Variants in GLIS3 observed in about 807,000 individuals in gnomAD.
GLIS3 encodes zinc finger protein GLIS3.
A neutral mutation model predicts 78.6 loss-of-function variants in GLIS3; 53 were observed. The ratio of observed to expected loss-of-function variants is 0.67; its 90% CI spans 0.54 to 0.85. The LOEUF is 0.85. Ranked by LOEUF, GLIS3 falls within the 40% of genes least tolerant of loss-of-function variation. The pLI, the probability that GLIS3 is intolerant of heterozygous loss-of-function variation, is 0.00. For missense variants in GLIS3, 1,703 were observed against 1,231.1 expected, an observed-to-expected ratio of 1.38 and a Z score of -5.74; for synonymous variants, 684 against 509.9, an observed-to-expected ratio of 1.34 and a Z score of -4.60.
the GLIS3 span, among the ~76,000 whole-genome samples, chr9:4,360,196 A>C: frequency 6.6e-6 from 1 of 152,260 alleles, no homozygotes; most frequent in African/African-American, 2.4e-5. Flanking sequence ...TCATCACCCA[A>C]CCGCCTGACC....
chr9:4,253,143 G>A (rs992919791), intron 2 of GLIS3, among the ~76,000 whole-genome samples: 2 of 152,248 alleles, frequency 1.3e-5, no homozygotes, highest in African/African-American at 2.4e-5. Flanking sequence ...CAAGCGCTGT[G>A]CTGGGAGATC....
chr9:4,119,643 T>G (rs74535763), intron 3 of GLIS3, among the ~76,000 whole-genome samples: 1 of 152,214 alleles, frequency 6.6e-6, no homozygotes, highest in Non-Finnish European at 1.5e-5. Flanking sequence ...GGGTTTTCTG[T>G]GAACTCTCGT....
chr9:4,466,978 G>C, the GLIS3 span, among the ~76,000 whole-genome samples: 1 of 152,366 alleles, frequency 6.6e-6, no homozygotes, highest in African/African-American at 2.4e-5. Flanking sequence ...CACACCAGAA[G>C]ATTATATCCC....
chr9:3,888,697 C>T (rs1369601732), intron 7 of GLIS3, among the ~76,000 whole-genome samples: 51 of 152,218 alleles, frequency 3.4e-4, no homozygotes, highest in Non-Finnish European at 4.4e-5. Flanking sequence ...TTTATTCACA[C>T]TCTGACCACA....
chr9:4,086,804 G>C (rs1829066768), intron 4 of GLIS3, among the ~76,000 whole-genome samples: 3 of 152,218 alleles, frequency 2.0e-5, no homozygotes, highest in South Asian at 4.1e-4. Flanking sequence ...CCATGAACTT[G>C]AATAACCCCT....
At chr9:4,416,296 T>C in the GLIS3 span, among the ~76,000 whole-genome samples, 1 of 148,504 alleles carries the variant, frequency 6.7e-6, no homozygotes, top group Admixed American at 6.7e-5. Flanking sequence ...AAATTGATCT[T>C]AATATTCAAT....
In GLIS3 at chr9:4,118,136, G is replaced by T; in HGVS notation, c.1342C>A (p.Pro448Thr). ...GGGGGCGGCGGCAGAGGAGGGAGCG[G>T]AGGCGCGGGGGGTAGGTCTACGGTG... ...GSTVDLPPAPPLPPLPPPPGP... is the reference protein window; with the variant it reads ...GSTVDLPPAPTLPPLPPPPGP... The change falls in exon 4 of 11, where the codon CCG becomes ACG. Residue 448 changes from proline (P) to threonine (T), a missense_variant. Pro to Thr is a conservative substitution (Grantham distance 38). Transcript: ENST00000381971. The surrounding 1 kb of genome is among the most constrained non-coding windows in gnomAD (Gnocchi z 4.7). 6.4e-7 allele frequency: 1 copy of T among 1,550,824 alleles called. No homozygotes were observed. The highest frequency in any genetic ancestry group is 8.7e-7 in the Non-Finnish European group (1 of 1,147,706).
At chr9:3,849,531 G>A (rs892545973) in intron 9 of GLIS3, among the ~76,000 whole-genome samples, 1 of 152,176 alleles carries the variant, frequency 6.6e-6, no homozygotes, top group Admixed American at 6.5e-5. Flanking sequence ...CAATGACAAA[G>A]CACAAAGTTG....
the GLIS3 span, among the ~76,000 whole-genome samples, chr9:4,385,773 GAA>G: frequency 2.9e-5 from 2 of 69,386 alleles, 1 homozygote; most frequent in African/African-American, 1.5e-4. Flanking sequence ...AAGAAAGAAA[GAA>G]AGAAAGAAAG....
chr9:4,447,507 T>A, the GLIS3 span, among the ~76,000 whole-genome samples: 1 of 152,170 alleles, frequency 6.6e-6, no homozygotes, highest in African/African-American at 2.4e-5. Context: ...TCTTATTTCA[T>A]TTATCCCATA....
At chr9:3,840,709 G>C (rs774594590) in intron 9 of GLIS3, among the ~76,000 whole-genome samples, 2 of 152,218 alleles carry the variant, frequency 1.3e-5, no homozygotes, top group Admixed American at 6.5e-5. Context: ...TGTCCTTGGA[G>C]AGATGGGTCG....
intron 2 of GLIS3, among the ~76,000 whole-genome samples, chr9:4,240,310 G>T (rs907852124): frequency 6.6e-6 from 1 of 152,046 alleles, no homozygotes; most frequent in African/African-American, 2.4e-5. Context: ...TCACAATAGG[G>T]TTTGCGCTCT....
intron 4 of GLIS3, among the ~76,000 whole-genome samples, chr9:3,991,860 T>G (rs1448721155): frequency 6.6e-6 from 1 of 151,910 alleles, no homozygotes; most frequent in East Asian, 1.9e-4. Context: ...CTGGCTAATT[T>G]TTTGTATTTT....
At chr9:3,913,255 A>C (rs191432365) in intron 6 of GLIS3, among the ~76,000 whole-genome samples, 33 of 152,286 alleles carry the variant, frequency 2.2e-4, no homozygotes, top group South Asian at 6.2e-4. Flanking sequence ...TATTTGGACA[A>C]TTTTAAAAAT....
chr9:4,460,098 C>A, the GLIS3 span, among the ~76,000 whole-genome samples: 2 of 151,948 alleles, frequency 1.3e-5, no homozygotes, highest in Non-Finnish European at 2.9e-5. Context: ...GTCAGGTACC[C>A]ATCAAGCAAT....
chr9:4,259,131 T>C (rs1257724029), intron 2 of GLIS3, among the ~76,000 whole-genome samples: 1 of 152,178 alleles, frequency 6.6e-6, no homozygotes, highest in African/African-American at 2.4e-5. Flanking sequence ...ATCTCTTTGT[T>C]GCAAGATGAA....
chr9:4,313,592 G>A lies in GLIS3; in HGVS notation n.265-3064C>T, dbSNP rs141486133. Among the ~76,000 whole-genome samples, 580 of 152,242 alleles carry A rather than the reference G, an allele frequency of 3.8e-3. 11 individuals carry two copies. Among genetic ancestry groups the A allele is most frequent in the Admixed American group, 0.034 (526 of 15,292 alleles). ...TCCTGGATGTGACTCCTTGATCTTG[G>A]ACCTTGATTTTTCTCTCTGGCAGTA... is the stretch of plus-strand genomic sequence containing the variant. On this transcript the variant is annotated intron_variant and non_coding_transcript_variant, in intron 2 of 4. Coordinates refer to the GLIS3 transcript ENST00000471664.
chr9:3,902,947 G>A (rs1823420347), intron 6 of GLIS3, among the ~76,000 whole-genome samples: 1 of 152,172 alleles, frequency 6.6e-6, no homozygotes, highest in African/African-American at 2.4e-5. Context: ...AAAGTCACAG[G>A]AGGAGAGGAT....
intron 4 of GLIS3, among the ~76,000 whole-genome samples, chr9:3,945,361 G>A (rs549365): frequency 0.47 from 71,436 of 152,046 alleles, 19,730 homozygotes; most frequent in African/African-American, 0.78. Flanking sequence ...AATTATTTCA[G>A]ACTCTTAAGT....
Sources: gnomAD v4.1 joint callset for allele counts (sites outside exome capture counted in the v4.1 genomes callset) on GRCh38, gnomAD v4.1.1 for gene constraint, Gnocchi (gnomAD v3.1) non-coding constraint, MANE v1.5 for transcripts, NCBI Gene and HGNC (gene_info 2026-07-23, HGNC 2026-07-21) for gene names.